Variants in SPIN1 observed in about 807,000 individuals in gnomAD.
SPIN1 encodes spindlin-1.
In SPIN1, 3 loss-of-function variants were observed where a neutral mutation model predicts 26.0. The ratio of observed to expected loss-of-function variants is 0.12; its 90% CI spans 0.05 to 0.30. The LOEUF (loss-of-function observed/expected upper bound fraction) is 0.30, where lower values mean the gene tolerates loss of function less well. Among genes scored for constraint, SPIN1 ranks in the 10% least tolerant of loss-of-function variants. SPIN1 has a pLI of 1.00. For missense variants in SPIN1, 126 were observed against 333.4 expected (o/e 0.38, Z 4.84); for synonymous variants, 101 against 116.5 (o/e 0.87, Z 0.86).
rs574635336 is a variant in SPIN1, at chr9:88,450,784, G to A, written c.101+1795G>A. On this transcript the variant is annotated intron_variant, in intron 3 of 5. Transcript: ENST00000375859. ...AGTCCCATTTTCCTATTCTCAATGTGAATCTGAAGATGGGTAGAAGGAAAG... is the reference window on the plus strand; with the variant it reads ...AGTCCCATTTTCCTATTCTCAATGTAAATCTGAAGATGGGTAGAAGGAAAG... 4.1e-4 allele frequency among the ~76,000 whole-genome samples: 62 copies of A among 152,302 alleles called. No homozygotes were observed. In the South Asian group the frequency reaches 0.013, roughly 32 times the overall value.
At chr9:88,455,899 C>CT (rs1388813244) in intron 3 of SPIN1, among the ~76,000 whole-genome samples, 1 of 152,178 alleles carries the variant, frequency 6.6e-6, no homozygotes, top group Non-Finnish European at 1.5e-5. Context: ...AAGAGGATTG[C>CT]TTGAGCCCAG....
intron 1 of SPIN1, among the ~76,000 whole-genome samples, chr9:88,416,201 C>G (rs577955947): frequency 1.3e-5 from 2 of 152,334 alleles, no homozygotes; most frequent in East Asian, 1.9e-4. Flanking sequence ...AAAGTTGAAA[C>G]AGGCAGTTAA....
chr9:88,451,694 G>A (rs1828355934), intron 3 of SPIN1, among the ~76,000 whole-genome samples: 1 of 152,162 alleles, frequency 6.6e-6, no homozygotes. Flanking sequence ...CTAAGTAGCT[G>A]AGACCACAGG....
chr9:88,466,318 C>T, intron 4 of SPIN1, among the ~76,000 whole-genome samples: 1 of 152,182 alleles, frequency 6.6e-6, no homozygotes, highest in East Asian at 1.9e-4. Context: ...ACCACAGTAC[C>T]CTGCTAATTT....
chr9:88,401,594 A>T (rs957347899), intron 1 of SPIN1, among the ~76,000 whole-genome samples: 1 of 152,220 alleles, frequency 6.6e-6, no homozygotes, highest in Non-Finnish European at 1.5e-5. Flanking sequence ...ACAAATAGTT[A>T]TACTGTATTG....
chr9:88,404,356 CT>C (rs993645462), intron 1 of SPIN1, among the ~76,000 whole-genome samples: 4 of 152,304 alleles, frequency 2.6e-5, no homozygotes, highest in East Asian at 1.9e-4. Context: ...TTACTCTCCC[CT>C]AACCCCCAAT....
rs1459623919 is a variant in SPIN1 at position 88,477,042 on chromosome 9, C to T, written c.*1765C>T. ...TCAGTTTTCTGTCCACAGCTGCAGT[C>T]GCTCTGTCCCTCGTGCTTCACTGTG... On this transcript the variant is annotated 3_prime_UTR_variant, in exon 6 of 6. Transcript: ENST00000375859. 2 of 152,200 alleles carry T rather than the reference C, an allele frequency of 1.3e-5. No homozygotes were observed. The highest frequency in any genetic ancestry group is 1.9e-4 in the East Asian group (1 of 5,192). The allele number at this position is 152,200 out of a possible 1,614,324, so 9.4% of individuals were successfully genotyped here.
At chr9:88,415,856 G>C (rs1827550188) in intron 1 of SPIN1, among the ~76,000 whole-genome samples, 1 of 151,480 alleles carries the variant, frequency 6.6e-6, no homozygotes, top group South Asian at 2.1e-4. Flanking sequence ...CCAGTCTCCT[G>C]CCTCAGCCTC....
intron 1 of SPIN1, among the ~76,000 whole-genome samples, chr9:88,411,716 T>C (rs1319200839): frequency 1.3e-5 from 2 of 152,020 alleles, no homozygotes; most frequent in African/African-American, 4.8e-5. Flanking sequence ...GATCACCCTG[T>C]GTTGCTCAGG....
chr9:88,461,508 A>G (rs1564042107), intron 3 of SPIN1, among the ~76,000 whole-genome samples: 4 of 152,348 alleles, frequency 2.6e-5, no homozygotes, highest in South Asian at 2.1e-4. Context: ...TAGAAAATAT[A>G]TAATTTTAGT....
chr9:88,433,315 T>C (rs1827921937), intron 2 of SPIN1, among the ~76,000 whole-genome samples: 1 of 152,174 alleles, frequency 6.6e-6, no homozygotes, highest in Non-Finnish European at 1.5e-5. Flanking sequence ...ACTCATGAGC[T>C]CAAGTGATCC....
At chr9:88,470,375 G>A (rs1828755397) in intron 5 of SPIN1, among the ~76,000 whole-genome samples, 2 of 152,078 alleles carry the variant, frequency 1.3e-5, no homozygotes, top group South Asian at 2.1e-4. Context: ...ATGTTTAATC[G>A]TTTGGGGGAA....
intron 2 of SPIN1, among the ~76,000 whole-genome samples, chr9:88,448,351 T>C (rs1278953485): frequency 1.3e-5 from 2 of 151,608 alleles, no homozygotes; most frequent in African/African-American, 4.9e-5. Context: ...GTTAAGTTTT[T>C]TTGTTTTTTT....
intron 3 of SPIN1, among the ~76,000 whole-genome samples, chr9:88,452,220 C>T (rs1828368945): frequency 6.6e-6 from 1 of 152,142 alleles, no homozygotes; most frequent in African/African-American, 2.4e-5. Flanking sequence ...CAAGTAGGAA[C>T]TGTGACCCCT....
chr9:88,437,138 GTTTA>G (rs1014639000), intron 2 of SPIN1, among the ~76,000 whole-genome samples: 10 of 151,930 alleles, frequency 6.6e-5, no homozygotes, highest in South Asian at 4.2e-4. Context: ...GGATGCACAA[GTTTA>G]TTTATCCATT....
intron 3 of SPIN1, among the ~76,000 whole-genome samples, chr9:88,458,428 T>G (rs1828515357): frequency 6.6e-6 from 1 of 152,160 alleles, no homozygotes; most frequent in Non-Finnish European, 1.5e-5. Context: ...ACAAGCCCCT[T>G]GTATAATGCT....
chr9:88,403,245 C>T (rs1435054215), intron 1 of SPIN1, among the ~76,000 whole-genome samples: 1 of 152,168 alleles, frequency 6.6e-6, no homozygotes, highest in Non-Finnish European at 1.5e-5. Flanking sequence ...TGTCTCTTCA[C>T]TCTGTCATTT....
intron 1 of SPIN1, among the ~76,000 whole-genome samples, chr9:88,402,917 A>G (rs1827220582): frequency 6.6e-6 from 1 of 152,124 alleles, no homozygotes; most frequent in South Asian, 2.1e-4. Flanking sequence ...ACTAATTTCC[A>G]TCCCAGTGTA....
chr9:88,408,675 CTTTTTTT>C (rs773420022), intron 1 of SPIN1, among the ~76,000 whole-genome samples: 1 of 128,860 alleles, frequency 7.8e-6, no homozygotes, highest in South Asian at 2.5e-4. Context: ...ATGCCTGGCC[CTTTTTTT>C]TTTTTTTTTT....
Sources: allele counts gnomAD v4.1 joint callset (sites outside exome capture counted in the v4.1 genomes callset), GRCh38; gene constraint gnomAD v4.1.1; transcripts MANE v1.5; gene names NCBI Gene and HGNC (gene_info 2026-07-23, HGNC 2026-07-21).